ARMH3: variants seen among roughly 807,000 people sequenced by gnomAD.
The protein encoded by ARMH3 is armadillo-like helical domain-containing protein 3.
A neutral mutation model predicts 99.1 loss-of-function variants in ARMH3; 60 were observed. The ratio of observed to expected loss-of-function variants is 0.61; its 90% confidence interval spans 0.49 to 0.75. The LOEUF (loss-of-function observed/expected upper bound fraction) is 0.75, where lower values mean the gene tolerates loss of function less well. ARMH3 is among the 30% of genes least tolerant of loss of function. The pLI is 0.00. For synonymous variants in ARMH3, 285 were observed against 292.8 expected (o/e 0.97, Z 0.27); for missense variants, 679 against 843.1 (o/e 0.81, Z 2.41).
chr10:102,019,055 A>AC (rs2066816878), intron 8 of ARMH3, among the ~76,000 whole-genome samples: 1 of 151,968 alleles, frequency 6.6e-6, no homozygotes, highest in African/African-American at 2.4e-5. Context: ...ACTATACTAT[A>AC]CTTTTTTTTT....
At chr10:101,871,592 A>G (rs796395012) in intron 24 of ARMH3, among the ~76,000 whole-genome samples, 18 of 152,236 alleles carry the variant, frequency 1.2e-4, no homozygotes, top group South Asian at 6.2e-4. Flanking sequence ...AAATGGCAAC[A>G]TAACTGAATA....
At chr10:102,020,567 T>A (rs1158235816) in intron 8 of ARMH3, among the ~76,000 whole-genome samples, 1 of 151,346 alleles carries the variant, frequency 6.6e-6, no homozygotes, top group African/African-American at 2.4e-5. Context: ...GCGCCTGTAG[T>A]CCCAGCTACT....
chr10:101,924,545 C>T (rs1488486341), intron 23 of ARMH3, among the ~76,000 whole-genome samples: 1 of 150,930 alleles, frequency 6.6e-6, no homozygotes, highest in Non-Finnish European at 1.5e-5. Flanking sequence ...TTAGTAGAGA[C>T]GGGGTTTCAC....
chr10:101,990,736 TTA>T lies in ARMH3; in HGVS notation c.1346-127_1346-126del, dbSNP rs990826242. ...TGAACGGCATCCACTAACCACATCT[TTA>T]TTCATATACACTTATTTTATATAAC... On this transcript the variant is annotated intron_variant, in intron 18 of 25. Coordinates refer to ENST00000370033, the MANE Select transcript of ARMH3 (RefSeq NM_024541.3). The T allele has an allele frequency of 4.2e-6, 3 of 710,054 alleles. No homozygotes were observed. In the African/African-American group the frequency reaches 5.3e-5, roughly 13 times the overall value. The allele number at this position is 710,054 out of a possible 1,614,324, so 44.0% of individuals were successfully genotyped here.
At chr10:101,876,194 A>G (rs1210168812) in intron 24 of ARMH3, among the ~76,000 whole-genome samples, 1 of 137,744 alleles carries the variant, frequency 7.3e-6, no homozygotes, top group Non-Finnish European at 1.5e-5. Flanking sequence ...GATTGCAGTA[A>G]GCTGAGATAG....
chr10:101,888,721 T>A (rs1349828720), intron 24 of ARMH3, among the ~76,000 whole-genome samples: 1 of 152,240 alleles, frequency 6.6e-6, no homozygotes, highest in Non-Finnish European at 1.5e-5. Context: ...GTGAATAGGA[T>A]GTCTTATTTA....
intron 23 of ARMH3, among the ~76,000 whole-genome samples, chr10:101,891,779 A>T (rs2067696889): frequency 6.6e-6 from 1 of 152,082 alleles, no homozygotes; most frequent in Non-Finnish European, 1.5e-5. Context: ...TTTTTCTATA[A>T]ATCTAAAATT....
chr10:101,937,995 C>G (rs565457814), intron 23 of ARMH3, among the ~76,000 whole-genome samples: 1 of 152,264 alleles, frequency 6.6e-6, no homozygotes, highest in African/African-American at 2.4e-5. Context: ...TCCTGAGTAG[C>G]TGGGACTACA....
At chr10:101,878,641 GA>G (rs917765235) in intron 24 of ARMH3, among the ~76,000 whole-genome samples, 10 of 140,792 alleles carry the variant, frequency 7.1e-5, no homozygotes, top group African/African-American at 2.4e-4. Context: ...TGCATCTCAA[GA>G]AAAAAAAACA....
Position 102,002,053 on chromosome 10 carries a change from G to T in ARMH3, c.1068C>A (p.Leu356=), listed in dbSNP as rs759371508. 3.1e-6 allele frequency: 5 copies of T among 1,613,952 alleles called. No homozygotes were observed. In the Admixed American group the frequency reaches 5.0e-5, roughly 16 times the overall value. The change falls in exon 15 of 26, where the codon CTC becomes CTA. Residue 356 remains leucine, a synonymous_variant. Coordinates refer to ENST00000370033, the MANE Select transcript of ARMH3 (RefSeq NM_024541.3). ...PSSDVISSVE[L]PLDADVQTSN... Reference sequence around the variant, plus strand: ...TGGTCTGTACATCTGCATCCAGTGGGAGTTCCACAGAACTTATAACTGGAA... The same window carrying T: ...TGGTCTGTACATCTGCATCCAGTGGTAGTTCCACAGAACTTATAACTGGAA...
chr10:101,894,523 C>T lies in ARMH3; in HGVS notation c.1782-5033G>A, dbSNP rs559866262. Reference sequence around the variant, plus strand: ...CACCTGGGTTGTGATTCCACACCATCCCACCTGGCCAAGGCGCTAGACTAG... The same window carrying T: ...CACCTGGGTTGTGATTCCACACCATTCCACCTGGCCAAGGCGCTAGACTAG... On this transcript the variant is annotated intron_variant, in intron 23 of 25. Coordinates refer to ENST00000370033, the MANE Select transcript of ARMH3 (RefSeq NM_024541.3). Among the ~76,000 whole-genome samples the T allele has an allele frequency of 2.0e-5, 3 of 152,336 alleles. No homozygotes were observed. The South Asian group carries it at 6.2e-4, about 32-fold the overall frequency.
intron 8 of ARMH3, among the ~76,000 whole-genome samples, chr10:102,016,165 G>C (rs530006547): frequency 6.6e-6 from 1 of 152,310 alleles, no homozygotes; most frequent in Admixed American, 6.5e-5. Flanking sequence ...ATTTGGGATA[G>C]AAGTACTTAG....
intron 23 of ARMH3, among the ~76,000 whole-genome samples, chr10:101,937,533 AAAG>A (rs1173759800): frequency 8.6e-5 from 13 of 151,290 alleles, no homozygotes; most frequent in East Asian, 5.8e-4. Context: ...AAAAAAAAAA[AAAG>A]AAGAAGAAGA....
In ARMH3 at chr10:101,935,174, A is replaced by AATATATATATATATATATATATAT. The variant is rs5787448; in HGVS notation, c.1781+4665_1781+4688dup. ...AGAAGCGGAATCTCAAAGGTGGAGC[A>AATATATATATATATATATATATAT]ATATATATATATATATATATATATA... is the stretch of plus-strand genomic sequence containing the variant. On this transcript the variant is annotated intron_variant, in intron 23 of 25. Coordinates refer to ENST00000370033, the MANE Select transcript of ARMH3 (RefSeq NM_024541.3). 7.1e-3 allele frequency among the ~76,000 whole-genome samples: 834 copies of AATATATATATATATATATATATAT among 116,746 alleles called. 12 individuals carry two copies. Among genetic ancestry groups the AATATATATATATATATATATATAT allele is most frequent in the Middle Eastern group, 0.025 (5 of 202 alleles). The allele number at this position is 116,746 out of a possible 152,430, so 76.6% of individuals were successfully genotyped here.
At chr10:102,029,363 C>T in intron 5 of ARMH3, 1 of 1,201,630 alleles carries the variant, frequency 8.3e-7, no homozygotes. Flanking sequence ...CATAAATGTT[C>T]TTAAGAATGT....
chr10:101,849,535 C>T (rs1454890493), intron 25 of ARMH3, among the ~76,000 whole-genome samples: 2 of 152,178 alleles, frequency 1.3e-5, no homozygotes, highest in African/African-American at 4.8e-5. Context: ...CACGTCAAAC[C>T]CCAGGCCCAG....
At chr10:101,937,483 C>T (rs1461082253) in intron 23 of ARMH3, among the ~76,000 whole-genome samples, 2 of 150,456 alleles carry the variant, frequency 1.3e-5, no homozygotes, top group Non-Finnish European at 2.9e-5. Flanking sequence ...CGCGCCACTG[C>T]ACTCCAGCCT....
At chr10:102,030,049 T>C (rs1050758316) in intron 4 of ARMH3, among the ~76,000 whole-genome samples, 3 of 151,894 alleles carry the variant, frequency 2.0e-5, no homozygotes, top group Non-Finnish European at 4.4e-5. Flanking sequence ...GCCTTCCAAG[T>C]AGCTGAGATG....
At chr10:101,944,273 T>TATATATAGAGAG (rs1844401380) in intron 22 of ARMH3, among the ~76,000 whole-genome samples, 3 of 25,406 alleles carry the variant, frequency 1.2e-4, no homozygotes, top group Non-Finnish European at 2.0e-4. Context: ...TATATATATA[T>TATATATAGAGAG]AGAGAGAGAG....
Sources: gnomAD v4.1 joint callset for allele counts (sites outside exome capture counted in the v4.1 genomes callset) on GRCh38, gnomAD v4.1.1 for gene constraint, MANE v1.5 for transcripts, NCBI Gene and HGNC (gene_info 2026-07-23, HGNC 2026-07-21) for gene names.